Variants in UNC13C observed in about 807,000 individuals in gnomAD.
UNC13C encodes unc-13 homolog C.
UNC13C carries 174 observed loss-of-function variants against 245.4 expected under a neutral mutation model. The observed-to-expected ratio is 0.71, with a 90% CI of 0.63 to 0.80. The LOEUF (loss-of-function observed/expected upper bound fraction) is 0.80, where lower values mean the gene tolerates loss of function less well. UNC13C is among the 30% of genes least tolerant of loss of function. The pLI is 0.00. For synonymous variants in UNC13C, 992 were observed against 895.1 expected, an observed-to-expected ratio of 1.11 and a Z score of -1.93; for missense variants, 2,829 against 2,602.9, an observed-to-expected ratio of 1.09 and a Z score of -1.89.
intron 4 of UNC13C, among the ~76,000 whole-genome samples, chr15:54,217,362 A>G (rs542235043): frequency 6.6e-6 from 1 of 151,916 alleles, no homozygotes; most frequent in East Asian, 1.9e-4. Flanking sequence ...AGAGGAAAGA[A>G]AGTCTGGAAC....
In UNC13C at chr15:54,627,381, C is replaced by T. The variant is rs991561189; in HGVS notation, c.*268C>T. The T allele has an allele frequency of 2.2e-5, 6 of 272,540 alleles. No individual in the cohort carries two copies. The highest frequency in any genetic ancestry group is 1.3e-4 in the African/African-American group (6 of 45,702). 16.9% of individuals were successfully genotyped at this position (272,540 alleles called of 1,614,324 possible). ...TTATTTTGTTTCTTTACCCATTTCA[C>T]ATTCATTAAACATAATTTTTAAAAA... is the stretch of plus-strand genomic sequence containing the variant. On this transcript the variant is annotated 3_prime_UTR_variant, in exon 33 of 33. Transcript: ENST00000260323.
intron 17 of UNC13C, among the ~76,000 whole-genome samples, chr15:54,388,406 C>T (rs570417895): frequency 6.6e-6 from 1 of 152,272 alleles, no homozygotes; most frequent in East Asian, 1.9e-4. Flanking sequence ...ATCCACCCCA[C>T]ACTGCTTGGC....
chr15:54,028,858 G>A (rs1391767354), intron 2 of UNC13C, among the ~76,000 whole-genome samples: 1 of 151,862 alleles, frequency 6.6e-6, no homozygotes, highest in African/African-American at 2.4e-5. Flanking sequence ...CAGGTCTTAG[G>A]AGGTTGGGCA....
At chr15:53,954,490 A>T in the UNC13C span, among the ~76,000 whole-genome samples, 1 of 152,242 alleles carries the variant, frequency 6.6e-6, no homozygotes, top group Non-Finnish European at 1.5e-5. Flanking sequence ...ACAAAGTTAC[A>T]CATAGTTATA....
intron 2 of UNC13C, among the ~76,000 whole-genome samples, chr15:54,100,765 AC>A (rs1340374245): frequency 2.0e-5 from 3 of 151,908 alleles, no homozygotes; most frequent in Non-Finnish European, 4.4e-5. Context: ...CTTTCTTTCT[AC>A]CTGCTCCATC....
the UNC13C span, among the ~76,000 whole-genome samples, chr15:53,901,157 A>T: frequency 6.6e-6 from 1 of 151,784 alleles, no homozygotes; most frequent in Non-Finnish European, 1.5e-5. Flanking sequence ...TTTTATAAAA[A>T]GAATTTCTCC....
the UNC13C span, among the ~76,000 whole-genome samples, chr15:53,839,366 C>A: frequency 6.6e-6 from 1 of 151,906 alleles, no homozygotes; most frequent in Non-Finnish European, 1.5e-5. Context: ...TTCCTTCAAC[C>A]CTATATAGAA....
intron 19 of UNC13C, among the ~76,000 whole-genome samples, chr15:54,467,550 C>T (rs1013681128): frequency 2.0e-5 from 3 of 151,620 alleles, no homozygotes; most frequent in Non-Finnish European, 4.4e-5. Context: ...AGTCACCATG[C>T]TATGCAATAA....
At chr15:54,445,637 G>A (rs1038129964) in intron 19 of UNC13C, among the ~76,000 whole-genome samples, 33 of 152,078 alleles carry the variant, frequency 2.2e-4, no homozygotes, top group Non-Finnish European at 4.4e-4. Flanking sequence ...AGTTGTTGAT[G>A]GGGTTGTTTT....
chr15:54,002,085 G>C (rs28672126), intron 1 of UNC13C, among the ~76,000 whole-genome samples: 3,049 of 152,298 alleles, frequency 0.02, 108 homozygotes, highest in African/African-American at 0.07. Context: ...AGGAGATCGA[G>C]ACCATCCTGG....
chr15:54,092,608 C>G (rs1407374905), intron 2 of UNC13C, among the ~76,000 whole-genome samples: 1 of 152,156 alleles, frequency 6.6e-6, no homozygotes, highest in Non-Finnish European at 1.5e-5. Context: ...TCCCCAAGAA[C>G]ACTCTTAGTT....
chr15:54,547,592 C>G (rs1896539232), intron 27 of UNC13C, among the ~76,000 whole-genome samples: 1 of 152,160 alleles, frequency 6.6e-6, no homozygotes, highest in African/African-American at 2.4e-5. Context: ...TATACACACT[C>G]AGTCCATGTT....
chr15:53,891,133 T>C, the UNC13C span, among the ~76,000 whole-genome samples: 1 of 152,180 alleles, frequency 6.6e-6, no homozygotes, highest in Non-Finnish European at 1.5e-5. Context: ...CAGTAGTCAT[T>C]TAGGAGCGGG....
Position 54,414,962 on chromosome 15 carries a change from T to C in UNC13C, c.4848-20T>C, listed in dbSNP as rs756345832. On this transcript the variant is annotated intron_variant, in intron 18 of 32. Coordinates refer to ENST00000260323, the MANE Select transcript of UNC13C (RefSeq NM_001080534.3). ...CATGCTTTTCTTCTTCATACACTAA[T>C]ACAATGTGTTTGGTTTTAGGTTTCC... is the stretch of plus-strand genomic sequence containing the variant. 3.1e-6 allele frequency: 5 copies of C among 1,601,446 alleles called. No homozygotes were observed. Among genetic ancestry groups the C allele is most frequent in the Non-Finnish European group, 4.3e-6 (5 of 1,171,202 alleles).
chr15:54,235,351 C>T (rs1567122674), intron 5 of UNC13C, among the ~76,000 whole-genome samples: 1 of 151,962 alleles, frequency 6.6e-6, no homozygotes, highest in African/African-American at 2.4e-5. Context: ...TGACTATGAC[C>T]CTAATAATTG....
At chr15:54,215,729 ACC>A (rs2035019406) in intron 4 of UNC13C, among the ~76,000 whole-genome samples, 1 of 151,858 alleles carries the variant, frequency 6.6e-6, no homozygotes, top group Non-Finnish European at 1.5e-5. Context: ...TGGTGAAATT[ACC>A]TCAGTCAAGA....
chr15:54,164,795 C>T (rs28428516), intron 4 of UNC13C, among the ~76,000 whole-genome samples: 3 of 152,068 alleles, frequency 2.0e-5, no homozygotes, highest in Admixed American at 6.5e-5. Flanking sequence ...AGTTCTATGG[C>T]TTCTAAACAT....
chr15:54,489,783 T>G (rs1480116746), intron 19 of UNC13C, among the ~76,000 whole-genome samples: 1 of 152,182 alleles, frequency 6.6e-6, no homozygotes, highest in Non-Finnish European at 1.5e-5. Context: ...ACCAACAAAA[T>G]CTTATGTTTA....
intron 4 of UNC13C, among the ~76,000 whole-genome samples, chr15:54,166,705 C>A (rs1381040024): frequency 6.6e-6 from 1 of 150,550 alleles, no homozygotes; most frequent in East Asian, 1.9e-4. Context: ...TATCAGCAAA[C>A]AATTATAAAA....
Sources: gnomAD v4.1 joint callset for allele counts (sites outside exome capture counted in the v4.1 genomes callset) on GRCh38, gnomAD v4.1.1 for gene constraint, MANE v1.5 for transcripts, NCBI Gene and HGNC (gene_info 2026-07-23, HGNC 2026-07-21) for gene names.